The following SLC17A6 variants were observed in gnomAD, a reference collection of about 807,000 sequenced individuals.
The protein encoded by SLC17A6 is vesicular glutamate transporter 2.
Under a neutral mutation model 67.1 loss-of-function variants are expected in SLC17A6, and 35 were observed. The observed-to-expected ratio is 0.52, with a 90% confidence interval of 0.40 to 0.69. SLC17A6 has a LOEUF of 0.69. Ranked by LOEUF, SLC17A6 falls within the 30% of genes least tolerant of loss-of-function variation. SLC17A6 has a pLI of 0.00. For synonymous variants in SLC17A6, 285 were observed against 252.3 expected (o/e 1.13, Z -1.23); for missense variants, 588 against 723.9 (o/e 0.81, Z 2.15).
At chr11:22,373,273 C>G (rs919230193) in intron 8 of SLC17A6, among the ~76,000 whole-genome samples, 2 of 152,128 alleles carry the variant, frequency 1.3e-5, no homozygotes, top group Non-Finnish European at 2.9e-5. Flanking sequence ...AAACTTTTAG[C>G]CTGCCTTTAT....
chr11:22,365,604 C>A lies in SLC17A6; in HGVS notation c.806C>A (p.Ala269Glu), dbSNP rs866337173. 1 of 1,613,920 alleles carries A rather than the reference C, an allele frequency of 6.2e-7. No individual in the cohort carries two copies. Among genetic ancestry groups the A allele is most frequent in the Non-Finnish European group, 8.5e-7 (1 of 1,179,864 alleles). ...CTTTTGGTGTCTTATGAAAGTCCTG[C>A]AAAGCATCCTACTATTACAGATGAA... ...FWLLVSYESP[A>E]KHPTITDEER... The change falls in exon 7 of 12, where the codon GCA becomes GAA. Residue 269 changes from alanine (A) to glutamate (E), a missense_variant. By Grantham distance (107) the Ala-to-Glu change is moderately radical. Transcript: ENST00000263160.
At position 22,339,151 on chromosome 11, in the gene SLC17A6, A is replaced by ATATGTTATATATAT. The variant is rs57725309; in HGVS notation, c.86+532_86+533insTATGTTATATATAT. On this transcript the variant is annotated intron_variant, in intron 1 of 11. Coordinates refer to ENST00000263160, the MANE Select transcript of SLC17A6 (RefSeq NM_020346.3). ...TATGTTATATATATATGTTATATAT[A>ATATGTTATATATAT]GTTATATATATATGTTATATATATA... Among the ~76,000 whole-genome samples, 22 of 29,798 alleles carry ATATGTTATATATAT rather than the reference A, an allele frequency of 7.4e-4. 3 individuals carry two copies. Among genetic ancestry groups the ATATGTTATATATAT allele is most frequent in the South Asian group, 1.1e-3 (1 of 888 alleles). 19.5% of individuals were successfully genotyped at this position (29,798 alleles called of 152,430 possible).
intron 1 of SLC17A6, 37 bp downstream of exon 1, chr11:22,338,656 G>A (rs779445019): frequency 1.3e-6 from 2 of 1,505,822 alleles, no homozygotes; most frequent in Non-Finnish European, 1.8e-6. Context: ...CTGGGGCTCA[G>A]CATGAAAAAA....
At chr11:22,375,406 C>T (rs1269347051) in intron 9 of SLC17A6, among the ~76,000 whole-genome samples, 1 of 151,844 alleles carries the variant, frequency 6.6e-6, no homozygotes, top group African/African-American at 2.4e-5. Flanking sequence ...AATAATAATG[C>T]CATTTGTATT....
chr11:22,338,522 G>T lies in SLC17A6; in HGVS notation c.-12G>T. The T allele has an allele frequency of 6.3e-7, 1 of 1,597,654 alleles. No homozygotes were observed. Reference sequence around the variant, plus strand: ...TTAAATCTGGCAAGAACTGACAACAGTCTTTGCAAGAATGGAATCCGTAAA... The same window carrying T: ...TTAAATCTGGCAAGAACTGACAACATTCTTTGCAAGAATGGAATCCGTAAA... On this transcript the variant is annotated 5_prime_UTR_variant, in exon 1 of 12. Transcript: ENST00000263160.
At chr11:22,364,648 C>T (rs1856089049) in intron 6 of SLC17A6, among the ~76,000 whole-genome samples, 1 of 151,972 alleles carries the variant, frequency 6.6e-6, no homozygotes, top group South Asian at 2.1e-4. Context: ...ATTGAACAGG[C>T]CAAAGAAAAA....
rs1426152365 is a variant in SLC17A6, at chr11:22,377,733, A to G, written c.1742A>G (p.Tyr581Cys). 1.3e-6 allele frequency: 2 copies of G among 1,554,452 alleles called. No individual in the cohort carries two copies. The highest frequency in any genetic ancestry group is 1.4e-5 in the African/African-American group (1 of 72,264). ...CATAGCTATAAGGACCGAGTTGATT[A>G]TTCATAACAAAACTAATTACTGGAT... ...DSHSYKDRVD[Y>C]S The change falls in exon 12 of 12, where the codon TAT becomes TGT. Residue 581 changes from tyrosine to cysteine, a missense_variant. Tyr to Cys is a radical substitution (Grantham distance 194, BLOSUM62 -2). Coordinates refer to ENST00000263160, the MANE Select transcript of SLC17A6 (RefSeq NM_020346.3).
chr11:22,353,722 C>T (rs574046089), intron 3 of SLC17A6, among the ~76,000 whole-genome samples: 1 of 152,292 alleles, frequency 6.6e-6, no homozygotes, highest in African/African-American at 2.4e-5. Flanking sequence ...TCCATTTTAG[C>T]AATGTTTCTA....
chr11:22,344,773 TCAAA>T (rs900711984), intron 3 of SLC17A6, among the ~76,000 whole-genome samples: 1 of 152,314 alleles, frequency 6.6e-6, no homozygotes, highest in Admixed American at 6.5e-5. Flanking sequence ...ATGTGGTAAA[TCAAA>T]CAAAACATTG....
chr11:22,360,836 G>A lies in SLC17A6; in HGVS notation c.574-61G>A, dbSNP rs545552446. On this transcript the variant is annotated intron_variant, in intron 4 of 11. Transcript: ENST00000263160. ...TGAAGGGCAGGGAGGATTTGTACAG[G>A]ATACTAAAAAGACTCTTGATCCTAA... The A allele has an allele frequency of 3.0e-4, 427 of 1,439,640 alleles. 2 individuals carry two copies. Among genetic ancestry groups the A allele is most frequent in the Middle Eastern group, 1.7e-3 (10 of 5,728 alleles). The allele number at this position is 1,439,640 out of a possible 1,614,324, so 89.2% of individuals were successfully genotyped here. A position where few individuals can be genotyped will look rare whatever the true frequency, so the allele number is the denominator to read the frequency against.
intron 1 of SLC17A6, 36 bp from the exon 2 acceptor site, chr11:22,341,492 G>A (rs760660864): frequency 1.2e-6 from 2 of 1,600,688 alleles, no homozygotes; most frequent in East Asian, 2.2e-5. Flanking sequence ...TACCTAAGCC[G>A]CCAAGTCCTT....
intron 6 of SLC17A6, among the ~76,000 whole-genome samples, 170 bp downstream of exon 6, chr11:22,362,995 C>T (rs1477636833): frequency 6.6e-6 from 1 of 152,186 alleles, no homozygotes; most frequent in Admixed American, 6.6e-5. Flanking sequence ...AATATTTCAT[C>T]TCTGTTATTT....
chr11:22,355,578 A>G (rs147909839), intron 3 of SLC17A6, among the ~76,000 whole-genome samples: 45 of 152,152 alleles, frequency 3.0e-4, no homozygotes, highest in Middle Eastern at 3.4e-3. Flanking sequence ...CCCAAACTCA[A>G]TAATCTCCAA....
chr11:22,339,962 A>G (rs1282813574), intron 1 of SLC17A6, among the ~76,000 whole-genome samples: 1 of 152,166 alleles, frequency 6.6e-6, no homozygotes, highest in Non-Finnish European at 1.5e-5. Context: ...AATAAATTGC[A>G]ATGTTTTCTA....
At chr11:22,350,075 G>T (rs1855921641) in intron 3 of SLC17A6, among the ~76,000 whole-genome samples, 1 of 152,148 alleles carries the variant, frequency 6.6e-6, no homozygotes, top group South Asian at 2.1e-4. Flanking sequence ...GGGTGGGCTT[G>T]ATACTTGAGG....
chr11:22,349,238 G>C (rs1460165496), intron 3 of SLC17A6, among the ~76,000 whole-genome samples: 1 of 152,080 alleles, frequency 6.6e-6, no homozygotes, highest in Non-Finnish European at 1.5e-5. Flanking sequence ...TGCTGAAAGG[G>C]ACCACCATCC....
chr11:22,339,517 T>A (rs1855787964), intron 1 of SLC17A6, among the ~76,000 whole-genome samples: 1 of 152,164 alleles, frequency 6.6e-6, no homozygotes, highest in African/African-American at 2.4e-5. Context: ...ATACTAATTA[T>A]GCTGTAATTT....
At chr11:22,376,716 T>C in intron 11 of SLC17A6, 44 bp downstream of exon 11, 1 of 1,603,968 alleles carries the variant, frequency 6.2e-7, no homozygotes, top group Non-Finnish European at 8.5e-7. Context: ...AGACAGTTTC[T>C]CAAAATGATA....
At chr11:22,364,271 C>G (rs1486569777) in intron 6 of SLC17A6, among the ~76,000 whole-genome samples, 1 of 152,042 alleles carries the variant, frequency 6.6e-6, no homozygotes, top group Non-Finnish European at 1.5e-5. Flanking sequence ...TAGGTGAATT[C>G]TGTTAGTGGT....
Sources: gnomAD v4.1 joint callset for allele counts (sites outside exome capture counted in the v4.1 genomes callset) on GRCh38, gnomAD v4.1.1 for gene constraint, MANE v1.5 for transcripts, NCBI Gene and HGNC (gene_info 2026-07-23, HGNC 2026-07-21) for gene names.